Variants in CPT1C observed in about 807,000 individuals in gnomAD.
The protein encoded by CPT1C is palmitoyl thioesterase CPT1C.
Under a neutral mutation model 97.3 loss-of-function variants are expected in CPT1C, and 61 were observed. The observed-to-expected ratio is 0.63, with a 90% CI of 0.51 to 0.78. The LOEUF (loss-of-function observed/expected upper bound fraction) is 0.78. Ranked by LOEUF, CPT1C falls within the 30% of genes least tolerant of loss-of-function variation. The pLI is 0.00. For synonymous variants in CPT1C, 469 were observed against 447.2 expected (o/e 1.05, Z -0.61); for missense variants, 975 against 1,065.5 (o/e 0.92, Z 1.18).
In CPT1C at chr19:49,701,391, GC is replaced by G. The variant is rs1568517594; in HGVS notation, c.531del (p.Ser178LeufsTer33). 6.2e-7 allele frequency: 1 copy of G among 1,613,502 alleles called. No individual in the cohort carries two copies. The highest frequency in any genetic ancestry group is 8.5e-7 in the Non-Finnish European group (1 of 1,179,878). ...AGCGCTCCCTGCCACGCCAGCCCGT[GC>G]CCTCTGTGCAGGACACCGTGCGCAA... ...YQRSLPRQPVPSVQDTVRKYL... is the reference protein window; with the variant it reads ...YQRSLPRQPVXSVQDTVRKYL... On this transcript the variant is annotated frameshift_variant, in exon 6 of 20. Transcript: ENST00000598293. LOFTEE classifies it high-confidence loss of function.
At position 49,710,283 on chromosome 19, in the gene CPT1C, T is replaced by G. The variant is rs780204539; in HGVS notation, c.1567-37T>G. 8.7e-6 allele frequency: 14 copies of G among 1,605,024 alleles called. No homozygotes were observed. In the Admixed American group the frequency reaches 2.3e-4, roughly 27 times the overall value. On this transcript the variant is annotated intron_variant, in intron 14 of 19. Coordinates refer to ENST00000598293, the MANE Select transcript of CPT1C (RefSeq NM_001199753.2). ...CTGGCTTTCACCCTACCCCCATCTG[T>G]AACCCCAACTACTCCTCTTCCCTCC...
Position 49,712,817 on chromosome 19 carries a change from G to C in CPT1C, c.2101G>C (p.Asp701His). Reference sequence around the variant, plus strand: ...TCTGTTTGACGTCCACAATTACCCGGACTATGTTTCCTCAGGCGGTGGATT... The same window carrying C: ...TCTGTTTGACGTCCACAATTACCCGCACTATGTTTCCTCAGGCGGTGGATT... Reference protein sequence around the residue: ...MHLFDVHNYPDYVSSGGGFGP... With the variant: ...MHLFDVHNYPHYVSSGGGFGP... Residue 701 changes from aspartate (D) to histidine (H), a missense_variant, in exon 18 of 20, where the codon GAC (aspartate) becomes CAC (histidine). Physicochemically the swap from Asp to His is moderately conservative, Grantham distance 81. Coordinates refer to ENST00000598293, the MANE Select transcript of CPT1C (RefSeq NM_001199753.2). The C allele has an allele frequency of 6.2e-7, 1 of 1,613,536 alleles. No individual in the cohort carries two copies. Among genetic ancestry groups the C allele is most frequent in the Non-Finnish European group, 8.5e-7 (1 of 1,179,952 alleles).
At chr19:49,707,394 A>G in intron 12 of CPT1C, 124 bp from the exon 13 acceptor site, 1 of 706,314 alleles carries the variant, frequency 1.4e-6, no homozygotes, top group South Asian at 1.6e-5. Context: ...AGAGATCCCC[A>G]TACCAGCACC....
upstream of CPT1C, chr19:49,690,838 G>T (rs2082319669): frequency 4.4e-6 from 1 of 225,266 alleles, no homozygotes; most frequent in African/African-American, 2.3e-5. The surrounding 1 kb of genome is among the most constrained non-coding windows in gnomAD (Gnocchi z 4.4). Context: ...CGCGCCTGAC[G>T]TTATAATGCA....
chr19:49,711,581 G>T, intron 16 of CPT1C: 1 of 568,560 alleles, frequency 1.8e-6, no homozygotes, highest in East Asian at 2.9e-5. Flanking sequence ...AAGGAGTTTG[G>T]ACTCTGGGGC....
In CPT1C at chr19:49,710,427, C is replaced by T; in HGVS notation, c.1674C>T (p.Arg558=). The T allele has an allele frequency of 6.2e-7, 1 of 1,614,204 alleles. No individual in the cohort carries two copies. The highest frequency in any genetic ancestry group is 2.2e-5 in the East Asian group (1 of 44,876). ...FSLFGKSFIR[R]CHLSSDSFIQ... ...TATTTGGCAAGAGCTTCATCCGACG[C>T]TGCCACCTCTCTTCAGACAGCTTCA... Residue 558 remains arginine, a synonymous_variant, in exon 15 of 20, where the codon CGC becomes CGT. Coordinates refer to ENST00000598293, the MANE Select transcript of CPT1C (RefSeq NM_001199753.2).
intron 3 of CPT1C, among the ~76,000 whole-genome samples, chr19:49,693,403 G>C (rs2082463119): frequency 6.6e-6 from 1 of 152,174 alleles, no homozygotes; most frequent in Admixed American, 6.5e-5. Context: ...TCTTGGGCAA[G>C]CACCTCTCTT....
At chr19:49,707,474 C>T (rs745716281) in intron 12 of CPT1C, 44 bp from the exon 13 acceptor site, 4 of 1,425,874 alleles carry the variant, frequency 2.8e-6, no homozygotes, top group Non-Finnish European at 4.0e-6. Context: ...CTGAGGTCCC[C>T]GTGCCCCTCG....
intron 16 of CPT1C, chr19:49,711,544 C>A: frequency 1.9e-6 from 1 of 513,334 alleles, no homozygotes; most frequent in Non-Finnish European, 3.5e-6. Flanking sequence ...CCTAGCCCCG[C>A]ACCTACAAGG....
chr19:49,701,159 C>CCCTCTCTCTGGGTCT (rs2083026308), intron 5 of CPT1C, among the ~76,000 whole-genome samples, 158 bp from the exon 6 acceptor site: 1 of 150,688 alleles, frequency 6.6e-6, no homozygotes, highest in Admixed American at 6.6e-5. Flanking sequence ...GTCTCTGTCC[C>CCCTCTCTCTGGGTCT]CTGTCTCTGG....
chr19:49,712,509 A>G, intron 17 of CPT1C: 1 of 562,104 alleles, frequency 1.8e-6, no homozygotes, highest in South Asian at 2.0e-5. Flanking sequence ...GCGTGGTCAG[A>G]GGAGGGGCGT....
In CPT1C at chr19:49,701,553, C is replaced by T; in HGVS notation, c.612C>T (p.Val204=). Residue 204 remains valine, a synonymous_variant, in exon 7 of 20, where the codon GTC becomes GTT. Transcript: ENST00000598293. The stretch of plus-strand genomic sequence containing the variant: ...ACGAGGACTTCGACTGGACCGCGGT[C>T]CTGGCGCAGGAATTCCTGAGGCTGC... ...LSDEDFDWTA[V]LAQEFLRLQA... The T allele has an allele frequency of 6.2e-7, 1 of 1,612,438 alleles. No homozygotes were observed. The highest frequency in any genetic ancestry group is 8.5e-7 in the Non-Finnish European group (1 of 1,179,112).
In CPT1C at chr19:49,706,023, A is replaced by G. The variant is rs1304965894; in HGVS notation, c.1079A>G (p.Gln360Arg). Residue 360 changes from glutamine to arginine, a missense_variant, in exon 11 of 20, where the codon CAG becomes CGG. Physicochemically the swap from Gln to Arg is conservative, Grantham distance 43 (BLOSUM62 1). Around this residue, in one of 3 missense-constraint regions of CPT1C, gnomAD observed 596 missense variants for 603.1 expected, o/e 0.99. Coordinates refer to ENST00000598293, the MANE Select transcript of CPT1C (RefSeq NM_001199753.2). This position sits in a 1 kb window ranked among gnomAD's most constrained non-coding sequence, Gnocchi z 4.8. Reference protein sequence around the residue: ...NSLLSPRALEQQFQRILDDPS... With the variant: ...NSLLSPRALERQFQRILDDPS... ...CTGCTTTCCCCGAGAGCCCTGGAGC[A>G]GCAGTTTCAGAGAATCCTGGATGAT... 6.2e-7 allele frequency: 1 copy of G among 1,613,706 alleles called. No individual in the cohort carries two copies. The highest frequency in any genetic ancestry group is 8.5e-7 in the Non-Finnish European group (1 of 1,179,932).
At chr19:49,695,083 G>C (rs566040750) in intron 3 of CPT1C, among the ~76,000 whole-genome samples, 41 of 151,962 alleles carry the variant, frequency 2.7e-4, no homozygotes, top group African/African-American at 9.6e-4. Flanking sequence ...GGAGCTTGCA[G>C]TGAGCCGAGA....
At chr19:49,703,350 CT>C (rs59161524) in intron 7 of CPT1C, among the ~76,000 whole-genome samples, 399 of 136,448 alleles carry the variant, frequency 2.9e-3, no homozygotes, top group Admixed American at 3.9e-3. Flanking sequence ...TGGCTAATTT[CT>C]TTTTTTTTTT....
intron 3 of CPT1C, among the ~76,000 whole-genome samples, chr19:49,695,362 C>T (rs1484640405): frequency 6.7e-6 from 1 of 149,200 alleles, no homozygotes; most frequent in Non-Finnish European, 1.5e-5. Context: ...TGGCTCACTC[C>T]AATTTCCGCC....
intron 7 of CPT1C, among the ~76,000 whole-genome samples, chr19:49,702,372 G>A (rs1360115142): frequency 6.6e-6 from 1 of 150,858 alleles, no homozygotes; most frequent in African/African-American, 2.4e-5. Context: ...AATGCCAGCA[G>A]GTTGCGAGGC....
In CPT1C at chr19:49,704,931, C is replaced by G. The variant is rs1011766764; in HGVS notation, c.772-76C>G. 42 of 1,423,660 alleles carry G rather than the reference C, an allele frequency of 3.0e-5. No homozygotes were observed. In the African/African-American group the frequency reaches 5.5e-4, roughly 19 times the overall value. The allele number at this position is 1,423,660 out of a possible 1,614,324, so 88.2% of individuals were successfully genotyped here. ...TTCCACCCTCTTTTGGGGTCAGGAC[C>G]TGTATTTGGGTCAGTGGCTCCATCG... On this transcript the variant is annotated intron_variant, in intron 8 of 19. Transcript: ENST00000598293.
intron 4 of CPT1C, among the ~76,000 whole-genome samples, chr19:49,700,411 T>C (rs969788216): frequency 2.6e-5 from 4 of 152,156 alleles, no homozygotes; most frequent in Non-Finnish European, 5.9e-5. Context: ...AGAGTAGTGA[T>C]AGCTGGAAGG....
Sources: allele counts gnomAD v4.1 joint callset (sites outside exome capture counted in the v4.1 genomes callset), GRCh38; gene constraint gnomAD v4.1.1; regional missense constraint gnomAD v4.1.1; non-coding constraint Gnocchi (gnomAD v3.1); transcripts MANE v1.5; gene names NCBI Gene and HGNC (gene_info 2026-07-23, HGNC 2026-07-21).